CSMD1: variants seen among roughly 807,000 people sequenced by gnomAD.
CSMD1 encodes the protein CUB and sushi domain-containing protein 1.
In CSMD1, 213 loss-of-function variants were observed where a neutral mutation model predicts 417.5. That is an observed-to-expected ratio of 0.51 (90% CI 0.46 to 0.57). The LOEUF (loss-of-function observed/expected upper bound fraction) is 0.57, where lower values mean the gene tolerates loss of function less well. Among genes scored for constraint, CSMD1 ranks in the 20% least tolerant of loss-of-function variants. CSMD1 has a pLI of 0.00. For synonymous variants in CSMD1, 2,862 were observed against 1,736.8 expected (o/e 1.65, Z -16.11); for missense variants, 6,923 against 4,529.7 (o/e 1.53, Z -15.17).
chr8:3,723,076 C>G (rs1406662806), intron 6 of CSMD1, among the ~76,000 whole-genome samples: 1 of 152,136 alleles, frequency 6.6e-6, no homozygotes, highest in African/African-American at 2.4e-5. Context: ...TCTTAGAGTC[C>G]TAAGGAAGAA....
chr8:3,567,571 G>C (rs1318384067), intron 10 of CSMD1, among the ~76,000 whole-genome samples: 2 of 151,578 alleles, frequency 1.3e-5, no homozygotes, highest in Non-Finnish European at 2.9e-5. Flanking sequence ...GGGAAGGAAA[G>C]GGAAGGGAAA....
intron 7 of CSMD1, among the ~76,000 whole-genome samples, chr8:3,633,483 A>G (rs1272139026): frequency 6.6e-6 from 1 of 152,200 alleles, no homozygotes; most frequent in Admixed American, 6.5e-5. Flanking sequence ...GTCTGTTCCC[A>G]ATTTAGAAGT....
intron 5 of CSMD1, among the ~76,000 whole-genome samples, chr8:3,831,636 T>C (rs1802383030): frequency 6.6e-6 from 1 of 152,202 alleles, no homozygotes. Flanking sequence ...TTATGGGTTT[T>C]CCTTCAAAAG....
chr8:3,505,927 A>T (rs1796804873), intron 10 of CSMD1, among the ~76,000 whole-genome samples: 1 of 152,234 alleles, frequency 6.6e-6, no homozygotes, highest in Admixed American at 6.5e-5. Flanking sequence ...AAATACACTA[A>T]AAAGAATGAT....
intron 1 of CSMD1, among the ~76,000 whole-genome samples, chr8:4,683,958 T>C (rs1431063618): frequency 6.6e-6 from 1 of 152,202 alleles, no homozygotes. Flanking sequence ...AAAAGATATT[T>C]ATCACAGTGA....
At chr8:3,684,209 A>G (rs1306800770) in intron 7 of CSMD1, among the ~76,000 whole-genome samples, 1 of 129,224 alleles carries the variant, frequency 7.7e-6, no homozygotes, top group East Asian at 2.1e-4. Context: ...ATGTAATTAT[A>G]TATAATATAT....
intron 1 of CSMD1, among the ~76,000 whole-genome samples, chr8:4,730,905 G>A (rs184100161): frequency 0.013 from 1,589 of 126,990 alleles, 13 homozygotes; most frequent in Middle Eastern, 0.031. Flanking sequence ...ACTAAACCGT[G>A]CTTTGTTTCC....
chr8:3,803,791 T>C (rs79366293), intron 5 of CSMD1, among the ~76,000 whole-genome samples: 2,324 of 152,282 alleles, frequency 0.015, 61 homozygotes, highest in African/African-American at 0.052. Context: ...GGAAAATATC[T>C]TTCTGCCTAC....
At chr8:4,559,659 T>C (rs1369199342) in intron 2 of CSMD1, among the ~76,000 whole-genome samples, 1 of 152,226 alleles carries the variant, frequency 6.6e-6, no homozygotes, top group Non-Finnish European at 1.5e-5. Flanking sequence ...AATTCATATT[T>C]ATGTAACCTA....
chr8:3,168,474 T>C (rs532561330), intron 37 of CSMD1, among the ~76,000 whole-genome samples: 3 of 152,160 alleles, frequency 2.0e-5, no homozygotes, highest in South Asian at 2.1e-4. Flanking sequence ...TGCTGGAACA[T>C]AGGGGAAGAA....
chr8:3,946,193 G>C (rs139689245), intron 5 of CSMD1, among the ~76,000 whole-genome samples: 1 of 152,046 alleles, frequency 6.6e-6, no homozygotes, highest in Non-Finnish European at 1.5e-5. Flanking sequence ...AAATCTCAGT[G>C]GTTTAGCAAC....
rs910797784 is a variant in CSMD1 at position 2,936,370 on chromosome 8, A to T, written c.*2215T>A. ...GAATGACTCAAACTTAGATATGTAC[A>T]ATATATATATATATATATGTATGTA... On this transcript the variant is annotated 3_prime_UTR_variant, in exon 70 of 70. Coordinates refer to ENST00000635120, the MANE Select transcript of CSMD1 (RefSeq NM_033225.6). 2.4e-4 allele frequency: 35 copies of T among 146,296 alleles called. No individual in the cohort carries two copies. Among genetic ancestry groups the T allele is most frequent in the South Asian group, 4.4e-4 (2 of 4,574 alleles). The allele number at this position is 146,296 out of a possible 1,614,324, so 9.1% of individuals were successfully genotyped here. A position where few individuals can be genotyped will look rare whatever the true frequency, so the allele number is the denominator to read the frequency against.
intron 3 of CSMD1, among the ~76,000 whole-genome samples, chr8:4,338,687 C>T (rs565749885): frequency 6.6e-6 from 1 of 152,194 alleles, no homozygotes; most frequent in African/African-American, 2.4e-5. Flanking sequence ...AGCCACAATT[C>T]CATAGTTCCG....
At chr8:4,312,650 G>A (rs531135787) in intron 3 of CSMD1, among the ~76,000 whole-genome samples, 5 of 152,002 alleles carry the variant, frequency 3.3e-5, no homozygotes, top group Admixed American at 1.3e-4. Flanking sequence ...GCCGAGGTGA[G>A]TGGATCACCT....
chr8:4,178,127 A>T (rs1478707225), intron 3 of CSMD1, among the ~76,000 whole-genome samples: 2 of 152,166 alleles, frequency 1.3e-5, no homozygotes, highest in Non-Finnish European at 2.9e-5. Flanking sequence ...GACACAACCA[A>T]AAAAGAGAAT....
At chr8:4,399,548 T>C (rs928173828) in intron 3 of CSMD1, among the ~76,000 whole-genome samples, 4 of 152,184 alleles carry the variant, frequency 2.6e-5, no homozygotes, top group Admixed American at 6.5e-5. Context: ...CCTGGCCACC[T>C]AACTGGCATA....
intron 1 of CSMD1, among the ~76,000 whole-genome samples, chr8:4,748,178 T>C (rs1272533776): frequency 6.6e-6 from 1 of 152,170 alleles, no homozygotes; most frequent in African/African-American, 2.4e-5. Flanking sequence ...CTCCATCACC[T>C]TGGCACATAA....
chr8:3,623,991 CA>C (rs993574580), intron 7 of CSMD1, among the ~76,000 whole-genome samples: 12 of 146,416 alleles, frequency 8.2e-5, no homozygotes, highest in East Asian at 4.0e-4. Context: ...CAAAACAAAA[CA>C]AAAAAAAAAC....
In CSMD1 at chr8:4,071,532, T is replaced by G. The variant is rs193172223; in HGVS notation, c.416-39433A>C. ...TTTACTTATTTAAGCATAATTGTAA[T>G]AACAGCTGCATTAAAATCCTTCTCC... On this transcript the variant is annotated intron_variant, in intron 3 of 69. Transcript: ENST00000635120. Among the ~76,000 whole-genome samples the G allele has an allele frequency of 1.2e-3, 183 of 152,318 alleles. 1 individual carries two copies. Among genetic ancestry groups the G allele is most frequent in the Non-Finnish European group, 1.1e-3 (77 of 68,030 alleles).
Sources: allele counts gnomAD v4.1 joint callset (sites outside exome capture counted in the v4.1 genomes callset), GRCh38; gene constraint gnomAD v4.1.1; transcripts MANE v1.5; gene names NCBI Gene and HGNC (gene_info 2026-07-23, HGNC 2026-07-21).